The following ICAM5 variants were observed in gnomAD, a reference collection of about 807,000 sequenced individuals.
ICAM5 encodes the protein ICAM-5.
In ICAM5, 38 loss-of-function variants were observed where a neutral mutation model predicts 78.8. The observed-to-expected ratio is 0.48, with a 90% CI of 0.37 to 0.63. The LOEUF (loss-of-function observed/expected upper bound fraction) is 0.63. Ranked by LOEUF, ICAM5 falls within the 30% of genes least tolerant of loss-of-function variation. The pLI, the probability that ICAM5 is intolerant of heterozygous loss-of-function variation, is 0.00. For missense variants in ICAM5, 1,059 were observed against 1,303.0 expected, an observed-to-expected ratio of 0.81 and a Z score of 2.88; for synonymous variants, 544 against 590.9, an observed-to-expected ratio of 0.92 and a Z score of 1.15.
chr19:10,294,918 G>T lies in ICAM5; in HGVS notation c.2230+278G>T, dbSNP rs547305295. 6.6e-6 allele frequency among the ~76,000 whole-genome samples: 1 copy of T among 152,096 alleles called. No homozygotes were observed. Among genetic ancestry groups the T allele is most frequent in the Non-Finnish European group, 1.5e-5 (1 of 68,020 alleles). On this transcript the variant is annotated intron_variant, in intron 9 of 10. Coordinates refer to ENST00000221980, the MANE Select transcript of ICAM5 (RefSeq NM_003259.4). The surrounding 1 kb of genome is among the most constrained non-coding windows in gnomAD (Gnocchi z 7.7). ...CCGTCTCTACAAAAATTAGCCGGTCGTGGTGGTGGGCGCCTGTGGTCCCAG... is the reference window on the plus strand; with the variant it reads ...CCGTCTCTACAAAAATTAGCCGGTCTTGGTGGTGGGCGCCTGTGGTCCCAG...
rs769003700 is a variant in ICAM5, at chr19:10,290,042, C to T, written c.-2C>T. ...GCCTCCTGTGCTTTCCCCGCCGCGG[C>T]GATGCCAGGGCCTTCGCCAGGGCTG... On this transcript the variant is annotated 5_prime_UTR_variant, in exon 1 of 11. Transcript: ENST00000221980. This position sits in a 1 kb window ranked among gnomAD's most constrained non-coding sequence, Gnocchi z 5.7. The T allele has an allele frequency of 2.6e-6, 4 of 1,539,528 alleles. No individual in the cohort carries two copies. The South Asian group carries it at 4.8e-5, about 18-fold the overall frequency.
chr19:10,296,355 C>G lies in ICAM5; in HGVS notation c.2514C>G (p.Val838=). 1.6e-6 allele frequency: 2 copies of G among 1,246,130 alleles called. No individual in the cohort carries two copies. Among genetic ancestry groups the G allele is most frequent in the Non-Finnish European group, 2.0e-6 (2 of 987,486 alleles). 77.2% of individuals were successfully genotyped at this position (1,246,130 alleles called of 1,614,324 possible). ...ACCCCGCAGGTCCGTGGCTATGGGT[C>G]GCCGTGGGCGGCGCGGCGGGGGGCG... ...TVRVAGPWLW[V]AVGGAAGGAA... The change falls in exon 11 of 11, where the codon GTC becomes GTG. Residue 838 remains valine (V), a synonymous_variant. Transcript: ENST00000221980.
At position 10,293,792 on chromosome 19, in the gene ICAM5, G is replaced by T; in HGVS notation, c.1560G>T (p.Pro520=). 6.2e-7 allele frequency: 1 copy of T among 1,613,730 alleles called. No homozygotes were observed. Among genetic ancestry groups the T allele is most frequent in the South Asian group, 1.1e-5 (1 of 91,088 alleles). ...TGAGCTGTGTGGCGCACGGGGTACC[G>T]CCGCCTGATGTGATCTGCGTGCGCT... ...ASLSCVAHGV[P]PPDVICVRSG... Residue 520 remains proline, a synonymous_variant, in exon 7 of 11, where the codon CCG becomes CCT. Transcript: ENST00000221980. The surrounding 1 kb of genome is among the most constrained non-coding windows in gnomAD (Gnocchi z 5.0).
chr19:10,296,744 C>CT lies in ICAM5; in HGVS notation c.*129dup. 1 of 800,200 alleles carries CT rather than the reference C, an allele frequency of 1.2e-6. No individual in the cohort carries two copies. Among genetic ancestry groups the CT allele is most frequent in the African/African-American group, 1.8e-5 (1 of 54,596 alleles). The allele number at this position is 800,200 out of a possible 1,614,324, so 49.6% of individuals were successfully genotyped here. A position where few individuals can be genotyped will look rare whatever the true frequency, so the allele number is the denominator to read the frequency against. ...ACTCCAAGGGCGTCACCCCCATTTT[C>CT]TACCCATCCCCTCAATAAAGTTTTT... On this transcript the variant is annotated 3_prime_UTR_variant, in exon 11 of 11. Coordinates refer to ENST00000221980, the MANE Select transcript of ICAM5 (RefSeq NM_003259.4).
Position 10,292,328 on chromosome 19 carries a change from G to A in ICAM5, c.961+6G>A. ...GGAGAACGTGACCATCTACAGTAAG[G>A]AAGGAGGCGGGGTCTCCGCGGCTCC... On this transcript the variant is annotated splice_donor_region_variant and intron_variant, in intron 4 of 10. Coordinates refer to ENST00000221980, the MANE Select transcript of ICAM5 (RefSeq NM_003259.4). 6.3e-7 allele frequency: 1 copy of A among 1,584,090 alleles called. No individual in the cohort carries two copies. The highest frequency in any genetic ancestry group is 8.6e-7 in the Non-Finnish European group (1 of 1,167,130).
rs2040207417 is a variant in ICAM5, at chr19:10,294,775, G to A, written c.2230+135G>A. Reference sequence around the variant, plus strand: ...ATTCCAGCCTAAACCAGGGGGTAATGAAAATTCTAGCCAGGCGCAGTGGCT... The same window carrying A: ...ATTCCAGCCTAAACCAGGGGGTAATAAAAATTCTAGCCAGGCGCAGTGGCT... On this transcript the variant is annotated intron_variant, in intron 9 of 10. Transcript: ENST00000221980. This position sits in a 1 kb window ranked among gnomAD's most constrained non-coding sequence, Gnocchi z 7.7. The A allele has an allele frequency of 2.2e-6, 3 of 1,379,698 alleles. No individual in the cohort carries two copies. The Admixed American group carries it at 7.5e-5, about 34-fold the overall frequency. 85.5% of individuals were successfully genotyped at this position (1,379,698 alleles called of 1,614,324 possible).
In ICAM5 at chr19:10,290,222, C is replaced by T. The variant is rs1164199677; in HGVS notation, c.82+97C>T. 3.4e-6 allele frequency: 3 copies of T among 893,526 alleles called. No individual in the cohort carries two copies. The highest frequency in any genetic ancestry group is 3.3e-6 in the Non-Finnish European group (2 of 613,852). 55.3% of individuals were successfully genotyped at this position (893,526 alleles called of 1,614,324 possible). Reference sequence around the variant, plus strand: ...GTCCCTCCCAGCTCTGCCCTCGCCTCGCTCCCACGCCTCTGCCCCCACCTC... The same window carrying T: ...GTCCCTCCCAGCTCTGCCCTCGCCTTGCTCCCACGCCTCTGCCCCCACCTC... On this transcript the variant is annotated intron_variant, in intron 1 of 10. Coordinates refer to ENST00000221980, the MANE Select transcript of ICAM5 (RefSeq NM_003259.4). This position sits in a 1 kb window ranked among gnomAD's most constrained non-coding sequence, Gnocchi z 5.7.
At chr19:10,295,647 T>G (rs1420171072) in intron 10 of ICAM5, 35 bp downstream of exon 10, 1 of 1,522,300 alleles carries the variant, frequency 6.6e-7, no homozygotes, top group Non-Finnish European at 8.8e-7. Flanking sequence ...GGGCGAGGTA[T>G]CTGAGAGGGG....
rs2569702 is a variant in ICAM5 at position 10,293,271 on chromosome 19, T to C, written c.1465+25T>C. ...TGTGAGTGGGGGTGCGCAGGGTGCA[T>C]TTCTATCTGGTTCAAGGTCTGGAGG... On this transcript the variant is annotated intron_variant, in intron 6 of 10. Transcript: ENST00000221980. This position sits in a 1 kb window ranked among gnomAD's most constrained non-coding sequence, Gnocchi z 5.0. The C allele has an allele frequency of 0.38, 585,384 of 1,551,676 alleles. 115,291 individuals carry two copies. The highest frequency in any genetic ancestry group is 0.54 in the Admixed American group (28,476 of 53,028).
At position 10,290,347 on chromosome 19, in the gene ICAM5, G is replaced by A; in HGVS notation, c.82+222G>A. 2.1e-6 allele frequency: 1 copy of A among 487,654 alleles called. No individual in the cohort carries two copies. The highest frequency in any genetic ancestry group is 3.3e-5 in the South Asian group (1 of 30,748). 30.2% of individuals were successfully genotyped at this position (487,654 alleles called of 1,614,324 possible). On this transcript the variant is annotated intron_variant, in intron 1 of 10. Transcript: ENST00000221980. The surrounding 1 kb of genome is among the most constrained non-coding windows in gnomAD (Gnocchi z 5.7). ...CCCTACCCGCTTCGAGATCCTAGGT[G>A]TTCTTCCGCACCCAACCCTTCGCCC...
In ICAM5 at chr19:10,290,272, C is replaced by T; in HGVS notation, c.82+147C>T. On this transcript the variant is annotated intron_variant, in intron 1 of 10. Transcript: ENST00000221980. The surrounding 1 kb of genome is among the most constrained non-coding windows in gnomAD (Gnocchi z 5.7). ...CGAGCCTGAGTCTTCTCCCCTTCCC[C>T]CTCCTCCCCAACACACACCCGAGCC... 1 of 583,354 alleles carries T rather than the reference C, an allele frequency of 1.7e-6. No homozygotes were observed. Among genetic ancestry groups the T allele is most frequent in the Non-Finnish European group, 2.9e-6 (1 of 343,508 alleles). 36.1% of individuals were successfully genotyped at this position (583,354 alleles called of 1,614,324 possible).
chr19:10,295,690 C>G, intron 10 of ICAM5, 78 bp downstream of exon 10: 1 of 1,424,576 alleles, frequency 7.0e-7, no homozygotes, highest in East Asian at 2.5e-5. Context: ...GCCGGCCCCG[C>G]CTGCCTCCCT....
Position 10,295,338 on chromosome 19 carries a change from C to G in ICAM5, c.2231-8C>G, listed in dbSNP as rs758034503. On this transcript the variant is annotated splice_region_variant and splice_polypyrimidine_tract_variant and intron_variant, in intron 9 of 10. Coordinates refer to ENST00000221980, the MANE Select transcript of ICAM5 (RefSeq NM_003259.4). Reference sequence around the variant, plus strand: ...GCTAAGCCCCACTTCACCTTCTGTGCCCTTCAGACCGGCCAGTGGTGGCCG... The same window carrying G: ...GCTAAGCCCCACTTCACCTTCTGTGGCCTTCAGACCGGCCAGTGGTGGCCG... 2.0e-6 allele frequency: 3 copies of G among 1,529,634 alleles called. No homozygotes were observed. The highest frequency in any genetic ancestry group is 2.6e-6 in the Non-Finnish European group (3 of 1,143,784). The allele number at this position is 1,529,634 out of a possible 1,614,324, so 94.8% of individuals were successfully genotyped here. A position where few individuals can be genotyped will look rare whatever the true frequency, so the allele number is the denominator to read the frequency against.
rs376445768 is a variant in ICAM5 at position 10,294,552 on chromosome 19, C to T, written c.2142C>T (p.Arg714=). Residue 714 remains arginine (R), a synonymous_variant, in exon 9 of 11, where the codon CGC becomes CGT. Coordinates refer to ENST00000221980, the MANE Select transcript of ICAM5 (RefSeq NM_003259.4). This position sits in a 1 kb window ranked among gnomAD's most constrained non-coding sequence, Gnocchi z 7.7. ...REGIPWPEQQ[R]VSREDAGTYH... is the part of the protein sequence containing the mutation. ...GCATCCCATGGCCTGAGCAGCAGCGCGTGTCCCGAGAGGACGCGGGCACTT... is the reference window on the plus strand; with the variant it reads ...GCATCCCATGGCCTGAGCAGCAGCGTGTGTCCCGAGAGGACGCGGGCACTT... 2.5e-6 allele frequency: 4 copies of T among 1,606,310 alleles called. No individual in the cohort carries two copies. The African/African-American group carries it at 4.0e-5, about 16-fold the overall frequency.
In ICAM5 at chr19:10,294,048, A is replaced by G. The variant is rs2040199583; in HGVS notation, c.1720A>G (p.Arg574Gly). 6 of 1,579,442 alleles carry G rather than the reference A, an allele frequency of 3.8e-6. No homozygotes were observed. Among genetic ancestry groups the G allele is most frequent in the South Asian group, 3.5e-5 (3 of 86,560 alleles). Residue 574 changes from arginine to glycine, a missense_variant, in exon 8 of 11, where the codon AGG becomes GGG. This residue lies in a region of ICAM5 where 815 missense variants were observed against 952.8 expected (regional missense o/e 0.86). Transcript: ENST00000221980. This position sits in a 1 kb window ranked among gnomAD's most constrained non-coding sequence, Gnocchi z 7.7. ...GCAATCCTGTTTCCCAGATGGCCCC[A>G]GGTTTGAGGAGCCGAGCTGCCCCAG... ...NVAVTVEYGP[R>G]FEEPSCPSNW... is the part of the protein sequence containing the mutation.
At chr19:10,295,282 A>G (rs2040210917) in intron 9 of ICAM5, 64 bp from the exon 10 acceptor site, 2 of 1,445,934 alleles carry the variant, frequency 1.4e-6, no homozygotes, top group Non-Finnish European at 1.8e-6. Flanking sequence ...TGTGGGCCGG[A>G]GCAGGGCATT....
In ICAM5 at chr19:10,290,392, C is replaced by T. The variant is rs1360854639; in HGVS notation, c.82+267C>T. The T allele has an allele frequency of 6.9e-6, 3 of 435,984 alleles. No homozygotes were observed. The highest frequency in any genetic ancestry group is 2.1e-5 in the African/African-American group (1 of 48,532). The allele number at this position is 435,984 out of a possible 1,614,324, so 27.0% of individuals were successfully genotyped here. A position where few individuals can be genotyped will look rare whatever the true frequency, so the allele number is the denominator to read the frequency against. ...TCGCCCTGGAGACCCAGTGTCTCTC[C>T]TGTCCGCTCCCCGGGTACCTCCTTA... On this transcript the variant is annotated intron_variant, in intron 1 of 10. Coordinates refer to ENST00000221980, the MANE Select transcript of ICAM5 (RefSeq NM_003259.4). This position sits in a 1 kb window ranked among gnomAD's most constrained non-coding sequence, Gnocchi z 5.7.
Position 10,295,557 on chromosome 19 carries a change from C to T in ICAM5, c.2442C>T (p.Cys814=), listed in dbSNP as rs772123824. The change falls in exon 10 of 11, where the codon TGC becomes TGT. Residue 814 remains cysteine, a synonymous_variant. Transcript: ENST00000221980. ...GAAGCCACGGCGGCGAGTACGAGTG[C>T]GCAGCCACCAACGCGCACGGGCGCC... is the stretch of plus-strand genomic sequence containing the variant. The part of the protein sequence containing the change: ...AMGSHGGEYE[C]AATNAHGRHA... The T allele has an allele frequency of 9.1e-6, 14 of 1,546,580 alleles. No individual in the cohort carries two copies. The highest frequency in any genetic ancestry group is 1.2e-5 in the Non-Finnish European group (14 of 1,147,194).
Position 10,293,561 on chromosome 19 carries a change from C to G in ICAM5, c.1466-137C>G, listed in dbSNP as rs962324378. The G allele has an allele frequency of 4.0e-6, 5 of 1,249,760 alleles. No homozygotes were observed. The highest frequency in any genetic ancestry group is 1.5e-5 in the African/African-American group (1 of 66,252). 77.4% of individuals were successfully genotyped at this position (1,249,760 alleles called of 1,614,324 possible). ...CAGACAGAGTGCATGCCTCGACTAG[C>G]GTGACACCTCCTTGGATCGGCGTCC... On this transcript the variant is annotated intron_variant, in intron 6 of 10. Transcript: ENST00000221980. The surrounding 1 kb of genome is among the most constrained non-coding windows in gnomAD (Gnocchi z 5.0).
Sources: allele counts gnomAD v4.1 joint callset (sites outside exome capture counted in the v4.1 genomes callset), GRCh38; gene constraint gnomAD v4.1.1; regional missense constraint gnomAD v4.1.1; non-coding constraint Gnocchi (gnomAD v3.1); transcripts MANE v1.5; gene names NCBI Gene and HGNC (gene_info 2026-07-23, HGNC 2026-07-21).